MIDEAS: variants seen among roughly 807,000 people sequenced by gnomAD.
The protein encoded by MIDEAS is mitotic deacetylase-associated SANT domain protein.
Under a neutral mutation model 102.7 loss-of-function variants are expected in MIDEAS, and 26 were observed. The ratio of observed to expected loss-of-function variants is 0.25; its 90% CI spans 0.19 to 0.35. MIDEAS has a LOEUF of 0.35. Ranked by LOEUF, MIDEAS falls within the 10% of genes least tolerant of loss-of-function variation. The pLI is 1.00. For synonymous variants in MIDEAS, 585 were observed against 591.0 expected (o/e 0.99, Z 0.15); for missense variants, 1,231 against 1,435.6 (o/e 0.86, Z 2.30).
chr14:73,744,935 G>A (rs2053331249), intron 1 of MIDEAS, among the ~76,000 whole-genome samples: 1 of 152,154 alleles, frequency 6.6e-6, no homozygotes, highest in African/African-American at 2.4e-5. Flanking sequence ...CTAAATCCCA[G>A]GTGCCTGCTT....
intron 1 of MIDEAS, among the ~76,000 whole-genome samples, chr14:73,782,718 A>G (rs766655885): frequency 6.6e-6 from 1 of 152,242 alleles, no homozygotes; most frequent in Non-Finnish European, 1.5e-5. Flanking sequence ...GTAACAAACT[A>G]TCTCACCTCA....
chr14:73,772,399 A>C (rs1378078231), intron 1 of MIDEAS, among the ~76,000 whole-genome samples: 9 of 152,374 alleles, frequency 5.9e-5, no homozygotes, highest in Non-Finnish European at 1.3e-4. Context: ...TACTATGGGC[A>C]GTGTAATCAG....
At chr14:73,733,463 C>T (rs1422413154) in intron 3 of MIDEAS, among the ~76,000 whole-genome samples, 1 of 151,808 alleles carries the variant, frequency 6.6e-6, no homozygotes, top group African/African-American at 2.4e-5. Flanking sequence ...GTGGCCTGCA[C>T]CTGTAGTCCC....
upstream of MIDEAS, among the ~76,000 whole-genome samples, chr14:73,762,655 C>T (rs905047253): frequency 1.3e-5 from 2 of 152,174 alleles, no homozygotes; most frequent in Admixed American, 1.3e-4. Flanking sequence ...GGTGCAGAAT[C>T]ACTGACGTGT....
At chr14:73,775,510 G>C (rs1172695936) in intron 1 of MIDEAS, among the ~76,000 whole-genome samples, 4 of 152,122 alleles carry the variant, frequency 2.6e-5, no homozygotes, top group African/African-American at 7.2e-5. Flanking sequence ...CTCCCTCGGG[G>C]AGCCAACCAG....
intron 1 of MIDEAS, among the ~76,000 whole-genome samples, chr14:73,766,740 C>T (rs1217600921): frequency 9.9e-5 from 15 of 151,676 alleles, no homozygotes; most frequent in African/African-American, 3.2e-4. Context: ...TTAGTAGAAA[C>T]GGGGTTTCAC....
At chr14:73,789,716 C>T (rs1333503238), upstream of MIDEAS, 3 of 152,152 alleles carry the variant, frequency 2.0e-5, no homozygotes, top group Admixed American at 1.3e-4. Context: ...AACAGAAGGC[C>T]GAGCTCTCAG....
intron 1 of MIDEAS, among the ~76,000 whole-genome samples, chr14:73,768,751 T>C (rs192109228): frequency 2.1e-3 from 325 of 152,292 alleles, no homozygotes; most frequent in African/African-American, 7.4e-3. Flanking sequence ...TCCCAAAGTT[T>C]TGGAATTACA....
At chr14:73,747,639 C>G (rs2053369247) in intron 1 of MIDEAS, among the ~76,000 whole-genome samples, 1 of 147,916 alleles carries the variant, frequency 6.8e-6, no homozygotes, top group African/African-American at 2.5e-5. Flanking sequence ...TCTTAAACCT[C>G]AGTGTGTGCA....
At chr14:73,773,276 C>T (rs1485821200) in intron 1 of MIDEAS, among the ~76,000 whole-genome samples, 1 of 151,932 alleles carries the variant, frequency 6.6e-6, no homozygotes, top group African/African-American at 2.4e-5. Context: ...AGCTCCTCAG[C>T]GTCCCTGCTA....
At chr14:73,768,678 G>A (rs1331827086) in intron 1 of MIDEAS, among the ~76,000 whole-genome samples, 1 of 152,032 alleles carries the variant, frequency 6.6e-6, no homozygotes, top group Non-Finnish European at 1.5e-5. Flanking sequence ...TAGAGATGGG[G>A]TTTCACCATG....
intron 1 of MIDEAS, among the ~76,000 whole-genome samples, chr14:73,784,770 C>G (rs1035094360): frequency 1.3e-5 from 2 of 152,220 alleles, no homozygotes; most frequent in Non-Finnish European, 2.9e-5. Context: ...CATAGTGCTG[C>G]TTTTGCTCAA....
chr14:73,761,494 T>C (rs2053554187), upstream of MIDEAS, among the ~76,000 whole-genome samples: 1 of 152,220 alleles, frequency 6.6e-6, no homozygotes, highest in African/African-American at 2.4e-5. Context: ...GAGAAGGGCT[T>C]ATTTGCACCA....
At chr14:73,783,359 G>A (rs560160580) in intron 1 of MIDEAS, among the ~76,000 whole-genome samples, 1 of 152,288 alleles carries the variant, frequency 6.6e-6, no homozygotes, top group Admixed American at 6.5e-5. Flanking sequence ...AGGCATTCCA[G>A]TCCTCTGGGG....
At chr14:73,749,921 C>T (rs1287157214) in intron 1 of MIDEAS, among the ~76,000 whole-genome samples, 1 of 152,224 alleles carries the variant, frequency 6.6e-6, no homozygotes, top group African/African-American at 2.4e-5. Flanking sequence ...CCCAGACACA[C>T]ATTGAACCTG....
upstream of MIDEAS, among the ~76,000 whole-genome samples, chr14:73,764,942 G>GGA (rs1463888911): frequency 6.6e-6 from 1 of 152,236 alleles, no homozygotes; most frequent in African/African-American, 2.4e-5. Context: ...TGTCACTCTG[G>GGA]GAGAGACGTC....
chr14:73,784,610 T>C (rs1441509248), intron 1 of MIDEAS, among the ~76,000 whole-genome samples: 1 of 152,176 alleles, frequency 6.6e-6, no homozygotes, highest in Non-Finnish European at 1.5e-5. Context: ...TCCCTTCTCC[T>C]GCCCCTCAAG....
chr14:73,774,743 T>C (rs1252211259), intron 1 of MIDEAS, among the ~76,000 whole-genome samples: 1 of 151,814 alleles, frequency 6.6e-6, no homozygotes, highest in Non-Finnish European at 1.5e-5. Context: ...GACACCAAGG[T>C]GGCAGCCCCA....
intron 1 of MIDEAS, among the ~76,000 whole-genome samples, chr14:73,782,875 G>A (rs2053769093): frequency 6.6e-6 from 1 of 152,218 alleles, no homozygotes. Flanking sequence ...AGGAGCCTGA[G>A]GGCAGCTAAC....
Sources: gnomAD v4.1 joint callset for allele counts (sites outside exome capture counted in the v4.1 genomes callset) on GRCh38, gnomAD v4.1.1 for gene constraint, MANE v1.5 for transcripts, NCBI Gene and HGNC (gene_info 2026-07-23, HGNC 2026-07-21) for gene names.